SLC4A4: variants seen among roughly 807,000 people sequenced by gnomAD.
SLC4A4 encodes the protein solute carrier family 4 member 4.
In SLC4A4, 27 loss-of-function variants were observed where a neutral mutation model predicts 111.5. The observed-to-expected ratio is 0.24, with a 90% CI of 0.18 to 0.33. The LOEUF (loss-of-function observed/expected upper bound fraction) is 0.33, where lower values mean the gene tolerates loss of function less well. Among genes scored for constraint, SLC4A4 ranks in the 10% least tolerant of loss-of-function variants. SLC4A4 has a pLI of 1.00. For synonymous variants in SLC4A4, 443 were observed against 463.4 expected (o/e 0.96, Z 0.57); for missense variants, 909 against 1,315.5 (o/e 0.69, Z 4.78).
chr4:71,183,559 T>C (rs1197757911), upstream of SLC4A4, among the ~76,000 whole-genome samples: 4 of 152,214 alleles, frequency 2.6e-5, no homozygotes, highest in African/African-American at 9.6e-5. Flanking sequence ...AATGAGGCCT[T>C]TGGTGACCTA....
At chr4:71,556,541 A>G (rs1324458780) in intron 21 of SLC4A4, among the ~76,000 whole-genome samples, 2 of 152,018 alleles carry the variant, frequency 1.3e-5, no homozygotes, top group Non-Finnish European at 2.9e-5. Flanking sequence ...AATCAACCAC[A>G]TAATAATGAT....
intron 3 of SLC4A4, among the ~76,000 whole-genome samples, chr4:71,258,595 A>G (rs1721626475): frequency 1.3e-5 from 2 of 152,208 alleles, no homozygotes; most frequent in Admixed American, 1.3e-4. Flanking sequence ...AACTGAATGA[A>G]TGAATTACTA....
At chr4:71,454,498 T>TA (rs1726044914) in intron 12 of SLC4A4, among the ~76,000 whole-genome samples, 1 of 152,148 alleles carries the variant, frequency 6.6e-6, no homozygotes, top group South Asian at 2.1e-4. Context: ...CACTTTACTA[T>TA]ATATTATTGT....
chr4:71,390,962 A>G (rs1719197536), intron 6 of SLC4A4, among the ~76,000 whole-genome samples: 1 of 152,170 alleles, frequency 6.6e-6, no homozygotes, highest in Admixed American at 6.5e-5. Context: ...ATGTGAGTTC[A>G]GGTACCTAGT....
At chr4:71,502,229 G>T (rs1439497118) in intron 16 of SLC4A4, among the ~76,000 whole-genome samples, 3 of 152,176 alleles carry the variant, frequency 2.0e-5, no homozygotes, top group African/African-American at 7.2e-5. Flanking sequence ...CCAAAGTGTT[G>T]GGATTACTGG....
intron 14 of SLC4A4, among the ~76,000 whole-genome samples, chr4:71,478,305 A>C (rs115666637): frequency 1.3e-5 from 2 of 152,034 alleles, no homozygotes; most frequent in African/African-American, 4.8e-5. Context: ...GGACACATGC[A>C]TAAGTGTCTT....
intron 18 of SLC4A4, among the ~76,000 whole-genome samples, chr4:71,537,587 T>C (rs1734669053): frequency 1.3e-5 from 2 of 151,844 alleles, no homozygotes; most frequent in African/African-American, 4.8e-5. Context: ...AATTGTAGAG[T>C]TGTGGTTAGG....
intron 2 of SLC4A4, among the ~76,000 whole-genome samples, chr4:71,179,047 A>C (rs1745194557): frequency 6.6e-6 from 1 of 152,262 alleles, no homozygotes; most frequent in Admixed American, 6.5e-5. Context: ...AGGCTGGTTC[A>C]ACATATGCAA....
At chr4:71,557,907 C>A in intron 22 of SLC4A4, 22 bp downstream of exon 22, 1 of 1,591,748 alleles carries the variant, frequency 6.3e-7, no homozygotes, top group Non-Finnish European at 8.6e-7. Context: ...TTTAATTGAA[C>A]GTACCTGTGA....
At chr4:71,436,053 A>T (rs778093824) in intron 7 of SLC4A4, among the ~76,000 whole-genome samples, 26 of 152,230 alleles carry the variant, frequency 1.7e-4, no homozygotes, top group Non-Finnish European at 2.6e-4. Context: ...CAATCCCATT[A>T]TTGGGTATAT....
intron 7 of SLC4A4, chr4:71,437,072 A>G: frequency 2.4e-6 from 1 of 418,530 alleles, no homozygotes; most frequent in Admixed American, 2.9e-5. Flanking sequence ...TCATAGCCAC[A>G]GGCAATCACT....
chr4:71,437,725 G>A (rs753110855), intron 7 of SLC4A4: 14 of 328,240 alleles, frequency 4.3e-5, no homozygotes, highest in Non-Finnish European at 7.8e-5. Context: ...ATTGGGATGA[G>A]CGGCCCCCTC....
At chr4:71,231,445 G>T (rs1338515536) in intron 1 of SLC4A4, among the ~76,000 whole-genome samples, 1 of 152,210 alleles carries the variant, frequency 6.6e-6, no homozygotes, top group Non-Finnish European at 1.5e-5. Context: ...GTGAAAGCCG[G>T]TCCTTTTGGC....
At chr4:71,446,081 A>G (rs1725201087) in intron 8 of SLC4A4, among the ~76,000 whole-genome samples, 2 of 152,146 alleles carry the variant, frequency 1.3e-5, no homozygotes, top group South Asian at 2.1e-4. Context: ...AAGTGGTTTT[A>G]TGGTTATTCT....
intron 1 of SLC4A4, among the ~76,000 whole-genome samples, chr4:71,229,515 C>G (rs1719267190): frequency 6.6e-6 from 1 of 152,150 alleles, no homozygotes; most frequent in Non-Finnish European, 1.5e-5. Flanking sequence ...ATCCAGTTCT[C>G]TCAGTCTGAT....
intron 16 of SLC4A4, among the ~76,000 whole-genome samples, chr4:71,526,547 A>G (rs1733436837): frequency 6.6e-6 from 1 of 152,146 alleles, no homozygotes; most frequent in African/African-American, 2.4e-5. Flanking sequence ...TCACGTATAT[A>G]CATATGTATT....
chr4:71,124,666 A>G (rs977533980), intron 2 of SLC4A4, among the ~76,000 whole-genome samples: 5 of 152,202 alleles, frequency 3.3e-5, no homozygotes, highest in East Asian at 1.9e-4. Context: ...ATGCCTCTTG[A>G]ATAGCATTGC....
chr4:71,497,742 C>A, intron 16 of SLC4A4, 50 bp downstream of exon 16: 1 of 1,463,544 alleles, frequency 6.8e-7, no homozygotes, highest in Non-Finnish European at 9.6e-7. Context: ...ACTGTATCAA[C>A]AATAATACAA....
At position 71,295,848 on chromosome 4, in the gene SLC4A4, A is replaced by G. The variant is rs193128532; in HGVS notation, c.253+40449A>G. On this transcript the variant is annotated intron_variant, in intron 3 of 25. Transcript: ENST00000264485. Reference sequence around the variant, plus strand: ...TAATTTTTGTGTTTTTAGTAGAGACAGGGGTTTCACCATGTTGGCCAGGCT... The same window carrying G: ...TAATTTTTGTGTTTTTAGTAGAGACGGGGGTTTCACCATGTTGGCCAGGCT... 5.3e-5 allele frequency among the ~76,000 whole-genome samples: 8 copies of G among 151,976 alleles called. No individual in the cohort carries two copies. In the East Asian group the frequency reaches 1.2e-3, roughly 22 times the overall value.
Sources: allele counts gnomAD v4.1 joint callset (sites outside exome capture counted in the v4.1 genomes callset), GRCh38; gene constraint gnomAD v4.1.1; transcripts MANE v1.5; gene names NCBI Gene and HGNC (gene_info 2026-07-23, HGNC 2026-07-21).